The following SLC2A11 variants were observed in gnomAD, a reference collection of about 807,000 sequenced individuals.
SLC2A11 encodes the protein solute carrier family 2, facilitated glucose transporter member 11.
In SLC2A11, 43 loss-of-function variants were observed where a neutral mutation model predicts 52.1. The ratio of observed to expected loss-of-function variants is 0.82; its 90% confidence interval spans 0.65 to 1.06. The LOEUF (loss-of-function observed/expected upper bound fraction) is 1.06. Ranked by LOEUF, SLC2A11 falls within the 50% of genes least tolerant of loss-of-function variation. The probability of loss-of-function intolerance (pLI) is 0.00; values close to 1 mark genes in which losing one functional copy is unlikely to be tolerated. For missense variants in SLC2A11, 582 were observed against 654.2 expected, an observed-to-expected ratio of 0.89 and a Z score of 1.20; for synonymous variants, 261 against 277.6, an observed-to-expected ratio of 0.94 and a Z score of 0.59.
intron 1 of SLC2A11, among the ~76,000 whole-genome samples, chr22:23,861,328 T>TAAAAAAAAA (rs1568983738): frequency 1.1e-4 from 4 of 35,072 alleles, no homozygotes; most frequent in African/African-American, 4.3e-4. Flanking sequence ...AAATCCCAAC[T>TAAAAAAAAA]ATCCCAACTA....
chr22:23,883,895 T>C (rs368786097), intron 9 of SLC2A11, 22 bp downstream of exon 9: 50 of 1,608,606 alleles, frequency 3.1e-5, no homozygotes, highest in Non-Finnish European at 3.6e-5. Flanking sequence ...GGATGAGGGC[T>C]GGGGGGTCCA....
rs1261960843 is a variant in SLC2A11 at position 23,884,519 on chromosome 22, CTG to C, written c.1299+91_1299+92del. On this transcript the variant is annotated intron_variant, in intron 11 of 11. Coordinates refer to ENST00000316185, the MANE Select transcript of SLC2A11 (RefSeq NM_001024939.4). The surrounding 1 kb of genome is among the most constrained non-coding windows in gnomAD (Gnocchi z 4.3). Reference sequence around the variant, plus strand: ...AGGGGGAGGCTTCCATCCAGGGAGACTGAGACTGAAAGGGAGGGGTCTTAGGG... The same window carrying C: ...AGGGGGAGGCTTCCATCCAGGGAGACAGACTGAAAGGGAGGGGTCTTAGGG... 3 of 1,560,294 alleles carry C rather than the reference CTG, an allele frequency of 1.9e-6. No homozygotes were observed. The highest frequency in any genetic ancestry group is 1.4e-5 in the African/African-American group (1 of 73,458).
chr22:23,857,534 G>GA, upstream of SLC2A11: 1 of 1,612,544 alleles, frequency 6.2e-7, no homozygotes, highest in Non-Finnish European at 8.5e-7. Context: ...GGACGCAGGT[G>GA]AGCTCCCAGC....
intron 5 of SLC2A11, 59 bp downstream of exon 5, chr22:23,877,230 T>C: frequency 3.2e-6 from 5 of 1,571,264 alleles, no homozygotes; most frequent in Non-Finnish European, 4.3e-6. Flanking sequence ...AAAGCGTTTC[T>C]TCACCTAAAT....
intron 8 of SLC2A11, chr22:23,883,256 G>A (rs1464587592): frequency 2.8e-6 from 1 of 352,318 alleles, no homozygotes; most frequent in Non-Finnish European, 5.4e-6. Flanking sequence ...TGCTGAGGTG[G>A]GATCAGGAGT....
chr22:23,868,995 A>T (rs148533056), intron 3 of SLC2A11: 135 of 233,224 alleles, frequency 5.8e-4, no homozygotes, highest in African/African-American at 2.8e-3. Context: ...CTGATAACAG[A>T]ATCAAAAATG....
chr22:23,867,562 T>TG, intron 2 of SLC2A11: 16 of 385,112 alleles, frequency 4.2e-5, no homozygotes, highest in South Asian at 3.1e-4. Flanking sequence ...TCATCATACC[T>TG]GCGCTTATGG....
chr22:23,864,975 G>A (rs1171002817), intron 2 of SLC2A11, among the ~76,000 whole-genome samples: 1 of 152,006 alleles, frequency 6.6e-6, no homozygotes, highest in South Asian at 2.1e-4. Flanking sequence ...GGGCATGGTG[G>A]CATGTGCCGT....
At chr22:23,867,209 T>G (rs2032295808) in intron 2 of SLC2A11, 1 of 152,736 alleles carries the variant, frequency 6.5e-6, no homozygotes, top group Non-Finnish European at 1.5e-5. Context: ...AATTTTTTTT[T>G]TTTCAGACGT....
chr22:23,882,345 GAC>G (rs2032841912), intron 6 of SLC2A11, 112 bp from the exon 7 acceptor site: 2 of 919,394 alleles, frequency 2.2e-6, no homozygotes, highest in Non-Finnish European at 1.6e-6. Flanking sequence ...CAGACTCAGA[GAC>G]AGAGAGTGAG....
intron 8 of SLC2A11, 147 bp downstream of exon 8, chr22:23,883,016 T>C: frequency 1.3e-6 from 1 of 777,218 alleles, no homozygotes; most frequent in Non-Finnish European, 2.2e-6. Flanking sequence ...AGCCCAGCAC[T>C]TTGGGAGGCC....
Position 23,884,740 on chromosome 22 carries a change from G to A in SLC2A11, c.1391G>A (p.Gly464Asp). ...GGCCTGTTCCTTCCTGAGACCAAAG[G>A]CAAGACCTTCCAAGAGATCTCCAAG... The part of the protein sequence containing the change: ...YTGLFLPETK[G>D]KTFQEISKEL... The change falls in exon 12 of 12, where the codon GGC becomes GAC. Residue 464 changes from glycine (G) to aspartate (D), a missense_variant. Gly to Asp is a moderately conservative substitution (Grantham distance 94, BLOSUM62 -1). Coordinates refer to ENST00000316185, the MANE Select transcript of SLC2A11 (RefSeq NM_001024939.4). This position sits in a 1 kb window ranked among gnomAD's most constrained non-coding sequence, Gnocchi z 4.3. The A allele has an allele frequency of 3.1e-6, 5 of 1,614,168 alleles. No individual in the cohort carries two copies. The highest frequency in any genetic ancestry group is 4.2e-6 in the Non-Finnish European group (5 of 1,180,032).
chr22:23,874,875 A>G (rs2032565168), intron 3 of SLC2A11, among the ~76,000 whole-genome samples: 1 of 152,234 alleles, frequency 6.6e-6, no homozygotes, highest in Non-Finnish European at 1.5e-5. Flanking sequence ...ATGAGCCACC[A>G]TGCCCAGCCC....
upstream of SLC2A11, chr22:23,857,785 C>A: frequency 7.0e-7 from 1 of 1,435,948 alleles, no homozygotes. Context: ...TCAGCTGGTG[C>A]GGCCGCTCTC....
chr22:23,870,100 T>A (rs777808426), intron 3 of SLC2A11: 3 of 714,932 alleles, frequency 4.2e-6, no homozygotes, highest in Non-Finnish European at 7.8e-6. Flanking sequence ...CAGCACTGGA[T>A]CAGCAAGACT....
At chr22:23,865,706 CTA>C (rs2032237660) in intron 2 of SLC2A11, 1 of 152,212 alleles carries the variant, frequency 6.6e-6, no homozygotes, top group South Asian at 2.1e-4. Flanking sequence ...GCCAGGGTAA[CTA>C]GACATCATGG....
chr22:23,883,499 CTCAA>C (rs1182623889), intron 8 of SLC2A11: 20 of 456,878 alleles, frequency 4.4e-5, no homozygotes, highest in South Asian at 1.2e-4. Flanking sequence ...AAGACCCTGT[CTCAA>C]TCAATCAATC....
At chr22:23,870,226 A>G (rs956478836) in intron 3 of SLC2A11, 6 of 580,234 alleles carry the variant, frequency 1.0e-5, no homozygotes, top group Middle Eastern at 2.8e-4. Flanking sequence ...CGGCTATCTC[A>G]TGATACCTGG....
upstream of SLC2A11, chr22:23,857,344 C>T: frequency 1.5e-6 from 2 of 1,361,952 alleles, no homozygotes; most frequent in Non-Finnish European, 2.0e-6. Context: ...ACCAGAGTCG[C>T]TTGCTGGCAC....
Sources: allele counts gnomAD v4.1 joint callset (sites outside exome capture counted in the v4.1 genomes callset), GRCh38; gene constraint gnomAD v4.1.1; non-coding constraint Gnocchi (gnomAD v3.1); transcripts MANE v1.5; gene names NCBI Gene and HGNC (gene_info 2026-07-23, HGNC 2026-07-21).